IL17C: variants seen among roughly 807,000 people sequenced by gnomAD.
IL17C encodes the protein interleukin 17C.
IL17C carries 13 observed loss-of-function variants against 11.0 expected under a neutral mutation model. The ratio of observed to expected loss-of-function variants is 1.18; its 90% confidence interval spans 0.77 to 1.88. The LOEUF (loss-of-function observed/expected upper bound fraction) is 1.88, where lower values mean the gene tolerates loss of function less well. Among genes scored for constraint, IL17C ranks in the 40% most tolerant of loss-of-function variants. The pLI is 0.00. For synonymous variants in IL17C, 150 were observed against 125.8 expected (o/e 1.19, Z -1.29); for missense variants, 357 against 278.2 (o/e 1.28, Z -2.01).
In IL17C at chr16:88,640,309, C is replaced by T. The variant is rs147491205; in HGVS notation, c.*237C>T. 8.7e-4 allele frequency: 426 copies of T among 488,210 alleles called. 2 individuals are homozygous for T. The highest frequency in any genetic ancestry group is 7.0e-3 in the African/African-American group (358 of 50,874). The allele number at this position is 488,210 out of a possible 1,614,324, so 30.2% of individuals were successfully genotyped here. A position where few individuals can be genotyped will look rare whatever the true frequency, so the allele number is the denominator to read the frequency against. On this transcript the variant is annotated 3_prime_UTR_variant, in exon 3 of 3. Coordinates refer to ENST00000244241, the MANE Select transcript of IL17C (RefSeq NM_013278.4). Reference sequence around the variant, plus strand: ...TTAAAGCTGCAGAAAAGGTGTCACACGGCTGCCTGTACCTTGGCTCCCTGT... The same window carrying T: ...TTAAAGCTGCAGAAAAGGTGTCACATGGCTGCCTGTACCTTGGCTCCCTGT...
Position 88,638,637 on chromosome 16 carries a change from C to T in IL17C, c.-5C>T, listed in dbSNP as rs765144074. The T allele has an allele frequency of 2.5e-5, 40 of 1,612,674 alleles. No homozygotes were observed. Among genetic ancestry groups the T allele is most frequent in the Non-Finnish European group, 3.1e-5 (36 of 1,180,008 alleles). ...CCAAGCCCAGCCTGCCCCGCTGCCGCCACCATGACGGTGAGCCTCTCCACA... is the reference window on the plus strand; with the variant it reads ...CCAAGCCCAGCCTGCCCCGCTGCCGTCACCATGACGGTGAGCCTCTCCACA... On this transcript the variant is annotated 5_prime_UTR_variant, in exon 1 of 3. Coordinates refer to ENST00000244241, the MANE Select transcript of IL17C (RefSeq NM_013278.4).
chr16:88,639,799 C>T lies in IL17C; in HGVS notation c.336-15C>T, dbSNP rs1907003570. Reference sequence around the variant, plus strand: ...AGGGTAGGGCCAGAGACTCACTGTGCACCCCGTCCCGCAGTGTGGACACGG... The same window carrying T: ...AGGGTAGGGCCAGAGACTCACTGTGTACCCCGTCCCGCAGTGTGGACACGG... On this transcript the variant is annotated splice_polypyrimidine_tract_variant and intron_variant, in intron 2 of 2. Transcript: ENST00000244241. The surrounding 1 kb of genome is among the most constrained non-coding windows in gnomAD (Gnocchi z 5.1). 1 of 1,527,238 alleles carries T rather than the reference C, an allele frequency of 6.5e-7. No homozygotes were observed. Among genetic ancestry groups the T allele is most frequent in the Non-Finnish European group, 8.8e-7 (1 of 1,134,094 alleles). 94.6% of individuals were successfully genotyped at this position (1,527,238 alleles called of 1,614,324 possible). A position where few individuals can be genotyped will look rare whatever the true frequency, so the allele number is the denominator to read the frequency against.
At position 88,639,366 on chromosome 16, in the gene IL17C, T is replaced by C; in HGVS notation, c.335+57T>C. ...GGCTGCCCCTCCCCTGGCGGGGCCCTGACTGCCCGGAGAGCTCTCTGGGCC... is the reference window on the plus strand; with the variant it reads ...GGCTGCCCCTCCCCTGGCGGGGCCCCGACTGCCCGGAGAGCTCTCTGGGCC... On this transcript the variant is annotated intron_variant, in intron 2 of 2. Transcript: ENST00000244241. This position sits in a 1 kb window ranked among gnomAD's most constrained non-coding sequence, Gnocchi z 5.1. The C allele has an allele frequency of 2.1e-6, 3 of 1,452,366 alleles. No homozygotes were observed. The South Asian group carries it at 4.1e-5, about 20-fold the overall frequency. The allele number at this position is 1,452,366 out of a possible 1,614,324, so 90.0% of individuals were successfully genotyped here. A position where few individuals can be genotyped will look rare whatever the true frequency, so the allele number is the denominator to read the frequency against.
Position 88,639,021 on chromosome 16 carries a change from G to A in IL17C, c.47G>A (p.Cys16Tyr), listed in dbSNP as rs1030792643. The A allele has an allele frequency of 4.4e-6, 7 of 1,601,386 alleles. No homozygotes were observed. The highest frequency in any genetic ancestry group is 1.7e-5 in the Admixed American group (1 of 59,232). ...GLLFLTWLHTCLAHHDPSLRG... is the reference protein window; with the variant it reads ...GLLFLTWLHTYLAHHDPSLRG... ...CTGTTTCTGACCTGGCTGCACACATGCCTGGCCCACCATGACCCCTCCCTC... is the reference window on the plus strand; with the variant it reads ...CTGTTTCTGACCTGGCTGCACACATACCTGGCCCACCATGACCCCTCCCTC... The change falls in exon 2 of 3, where the codon TGC (cysteine) becomes TAC (tyrosine). Residue 16 changes from cysteine to tyrosine, a missense_variant. Coordinates refer to ENST00000244241, the MANE Select transcript of IL17C (RefSeq NM_013278.4). The surrounding 1 kb of genome is among the most constrained non-coding windows in gnomAD (Gnocchi z 5.1).
rs1382756274 is a variant in IL17C, at chr16:88,638,659, C to T, written c.6+12C>T. ...CCGCCACCATGACGGTGAGCCTCTCCACATGCCGCTCGGATGGATGCTGCT... is the reference window on the plus strand; with the variant it reads ...CCGCCACCATGACGGTGAGCCTCTCTACATGCCGCTCGGATGGATGCTGCT... On this transcript the variant is annotated intron_variant, in intron 1 of 2. Coordinates refer to ENST00000244241, the MANE Select transcript of IL17C (RefSeq NM_013278.4). 4 of 1,612,906 alleles carry T rather than the reference C, an allele frequency of 2.5e-6. No individual in the cohort carries two copies. Among genetic ancestry groups the T allele is most frequent in the Non-Finnish European group, 3.4e-6 (4 of 1,180,020 alleles).
Position 88,639,979 on chromosome 16 carries a change from C to T in IL17C, c.501C>T (p.Gly167=). 2 of 1,609,796 alleles carry T rather than the reference C, an allele frequency of 1.2e-6. No individual in the cohort carries two copies. The highest frequency in any genetic ancestry group is 1.7e-6 in the Non-Finnish European group (2 of 1,178,300). ...GCCGCCGGCCCTGCTCCCGCGACGG[C>T]TCGGGGCTCCCCACACCTGGGGCCT... ...VLRRRPCSRD[G]SGLPTPGAFA... Residue 167 remains glycine (G), a synonymous_variant, in exon 3 of 3, where the codon GGC becomes GGT. Coordinates refer to ENST00000244241, the MANE Select transcript of IL17C (RefSeq NM_013278.4). The surrounding 1 kb of genome is among the most constrained non-coding windows in gnomAD (Gnocchi z 5.1).
rs908164853 is a variant in IL17C at position 88,639,576 on chromosome 16, G to A, written c.336-238G>A. On this transcript the variant is annotated intron_variant, in intron 2 of 2. Transcript: ENST00000244241. This position sits in a 1 kb window ranked among gnomAD's most constrained non-coding sequence, Gnocchi z 5.1. ...TGAGCTCCTGCAGAAGTGGGGCTGG[G>A]TGATGAAGTGGAAGGGAGGCTCCTA... 6.6e-6 allele frequency among the ~76,000 whole-genome samples: 1 copy of A among 152,172 alleles called. No homozygotes were observed. Among genetic ancestry groups the A allele is most frequent in the Admixed American group, 6.5e-5 (1 of 15,282 alleles).
intron 1 of IL17C, 147 bp from the exon 2 acceptor site, chr16:88,638,834 G>T: frequency 8.6e-7 from 1 of 1,162,962 alleles, no homozygotes; most frequent in South Asian, 1.3e-5. Context: ...TTGGGCTGAA[G>T]GGCTAGCCTC....
chr16:88,638,932 G>A (rs751266956), intron 1 of IL17C, 49 bp from the exon 2 acceptor site: 2 of 1,461,158 alleles, frequency 1.4e-6, no homozygotes, highest in Admixed American at 2.1e-5. Context: ...GAAGTGAGGT[G>A]CCCCCTGCCC....
chr16:88,640,031 G>A lies in IL17C; in HGVS notation c.553G>A (p.Val185Ile), dbSNP rs368950769. 69 of 1,592,402 alleles carry A rather than the reference G, an allele frequency of 4.3e-5. No individual in the cohort carries two copies. Among genetic ancestry groups the A allele is most frequent in the African/African-American group, 1.9e-4 (14 of 74,516 alleles). ...AFAFHTEFIH[V>I]PVGCTCVLPR... ...TGCCTTCCACACCGAGTTCATCCACGTCCCCGTCGGCTGCACCTGCGTGCT... is the reference window on the plus strand; with the variant it reads ...TGCCTTCCACACCGAGTTCATCCACATCCCCGTCGGCTGCACCTGCGTGCT... Residue 185 changes from valine (V) to isoleucine (I), a missense_variant, in exon 3 of 3, where the codon GTC becomes ATC. Coordinates refer to ENST00000244241, the MANE Select transcript of IL17C (RefSeq NM_013278.4).
chr16:88,638,875 G>A (rs1906969523), intron 1 of IL17C, 106 bp from the exon 2 acceptor site: 2 of 1,220,416 alleles, frequency 1.6e-6, no homozygotes, highest in East Asian at 4.7e-5. Context: ...TCTATAGAGG[G>A]AGGGCTGTAC....
Position 88,639,352 on chromosome 16 carries a change from C to T in IL17C, c.335+43C>T, listed in dbSNP as rs1418827267. ...CCGCTGTGGCGTGGGGCTGCCCCTC[C>T]CCTGGCGGGGCCCTGACTGCCCGGA... is the stretch of plus-strand genomic sequence containing the variant. On this transcript the variant is annotated intron_variant, in intron 2 of 2. Coordinates refer to ENST00000244241, the MANE Select transcript of IL17C (RefSeq NM_013278.4). The surrounding 1 kb of genome is among the most constrained non-coding windows in gnomAD (Gnocchi z 5.1). 3.0e-5 allele frequency: 45 copies of T among 1,490,506 alleles called. No individual in the cohort carries two copies. The highest frequency in any genetic ancestry group is 3.3e-5 in the Non-Finnish European group (37 of 1,118,432). The allele number at this position is 1,490,506 out of a possible 1,614,324, so 92.3% of individuals were successfully genotyped here. A position where few individuals can be genotyped will look rare whatever the true frequency, so the allele number is the denominator to read the frequency against.
chr16:88,639,077 C>T lies in IL17C; in HGVS notation c.103C>T (p.His35Tyr). ...RGHPHSHGTP[H>Y]CYSAEELPLG... ...GCACCCCCACAGTCACGGTACCCCA[C>T]ACTGCTACTCGGCTGAGGAACTGCC... Residue 35 changes from histidine (H) to tyrosine (Y), a missense_variant, in exon 2 of 3, where the codon CAC becomes TAC. His to Tyr is a moderately conservative substitution (Grantham distance 83, BLOSUM62 2). Transcript: ENST00000244241. This position sits in a 1 kb window ranked among gnomAD's most constrained non-coding sequence, Gnocchi z 5.1. 2 of 1,613,258 alleles carry T rather than the reference C, an allele frequency of 1.2e-6. No homozygotes were observed. The highest frequency in any genetic ancestry group is 1.7e-6 in the Non-Finnish European group (2 of 1,179,884).
At position 88,640,073 on chromosome 16, in the gene IL17C, C is replaced by A; in HGVS notation, c.*1C>A. On this transcript the variant is annotated 3_prime_UTR_variant, in exon 3 of 3. Coordinates refer to ENST00000244241, the MANE Select transcript of IL17C (RefSeq NM_013278.4). ...CTGCGTGCTGCCCCGTTCAGTGTGA[C>A]CGCCGAGGCCGTGGGGCCCCTAGAC... is the stretch of plus-strand genomic sequence containing the variant. 6.5e-7 allele frequency: 1 copy of A among 1,543,580 alleles called. No homozygotes were observed. Among genetic ancestry groups the A allele is most frequent in the South Asian group, 1.2e-5 (1 of 81,314 alleles).
Position 88,640,300 on chromosome 16 carries a change from G to T in IL17C, c.*228G>T, listed in dbSNP as rs1907024930. The stretch of plus-strand genomic sequence containing the variant: ...TTCCAGCCCTTAAAGCTGCAGAAAA[G>T]GTGTCACACGGCTGCCTGTACCTTG... On this transcript the variant is annotated 3_prime_UTR_variant, in exon 3 of 3. Transcript: ENST00000244241. 8.1e-6 allele frequency: 4 copies of T among 494,748 alleles called. No homozygotes were observed. The highest frequency in any genetic ancestry group is 2.0e-5 in the African/African-American group (1 of 50,872). The allele number at this position is 494,748 out of a possible 1,614,324, so 30.6% of individuals were successfully genotyped here. A position where few individuals can be genotyped will look rare whatever the true frequency, so the allele number is the denominator to read the frequency against.
At chr16:88,638,859 T>G in intron 1 of IL17C, 122 bp from the exon 2 acceptor site, 1 of 1,177,626 alleles carries the variant, frequency 8.5e-7, no homozygotes, top group Non-Finnish European at 1.2e-6. Context: ...GGCTTCAGTT[T>G]CCCCATCTAT....
Position 88,639,211 on chromosome 16 carries a change from C to G in IL17C, c.237C>G (p.His79Gln). The change falls in exon 2 of 3, where the codon CAC becomes CAG. Residue 79 changes from histidine to glutamine, a missense_variant. By Grantham distance (24) the His-to-Gln change is conservative. Coordinates refer to ENST00000244241, the MANE Select transcript of IL17C (RefSeq NM_013278.4). The surrounding 1 kb of genome is among the most constrained non-coding windows in gnomAD (Gnocchi z 5.1). Reference protein sequence around the residue: ...SLEAASHRGRHERPSATTQCP... With the variant: ...SLEAASHRGRQERPSATTQCP... ...AGGCAGCAAGCCACAGGGGGAGGCA[C>G]GAGAGGCCCTCAGCTACGACCCAGT... The G allele has an allele frequency of 6.2e-7, 1 of 1,612,752 alleles. No homozygotes were observed. The highest frequency in any genetic ancestry group is 8.5e-7 in the Non-Finnish European group (1 of 1,179,864).
chr16:88,638,902 G>C, intron 1 of IL17C, 79 bp from the exon 2 acceptor site: 1 of 1,350,694 alleles, frequency 7.4e-7, no homozygotes, highest in South Asian at 1.3e-5. Flanking sequence ...TTTCCGCTGG[G>C]AACAAGGAAA....
At position 88,639,046 on chromosome 16, in the gene IL17C, C is replaced by T. The variant is rs992017812; in HGVS notation, c.72C>T (p.Leu24=). 1 of 1,610,036 alleles carries T rather than the reference C, an allele frequency of 6.2e-7. No homozygotes were observed. Among genetic ancestry groups the T allele is most frequent in the Non-Finnish European group, 8.5e-7 (1 of 1,177,798 alleles). The change falls in exon 2 of 3, where the codon CTC becomes CTT. Residue 24 remains leucine, a synonymous_variant. Coordinates refer to ENST00000244241, the MANE Select transcript of IL17C (RefSeq NM_013278.4). This position sits in a 1 kb window ranked among gnomAD's most constrained non-coding sequence, Gnocchi z 5.1. ...GCCTGGCCCACCATGACCCCTCCCT[C>T]AGGGGGCACCCCCACAGTCACGGTA... ...HTCLAHHDPS[L]RGHPHSHGTP... is the part of the protein sequence containing the mutation.
Sources: allele counts gnomAD v4.1 joint callset (sites outside exome capture counted in the v4.1 genomes callset), GRCh38; gene constraint gnomAD v4.1.1; non-coding constraint Gnocchi (gnomAD v3.1); transcripts MANE v1.5; gene names NCBI Gene and HGNC (gene_info 2026-07-23, HGNC 2026-07-21).